The following TOR1AIP2 variants were observed in gnomAD, a reference collection of about 807,000 sequenced individuals.
The protein encoded by TOR1AIP2 is torsin-1A-interacting protein 2.
A neutral mutation model predicts 32.6 loss-of-function variants in TOR1AIP2; 20 were observed. The ratio of observed to expected loss-of-function variants is 0.61; its 90% CI spans 0.43 to 0.89. TOR1AIP2 has a LOEUF of 0.89. TOR1AIP2 is among the 40% of genes least tolerant of loss of function. TOR1AIP2 has a pLI of 0.00. For synonymous variants in TOR1AIP2, 214 were observed against 210.8 expected, an observed-to-expected ratio of 1.02 and a Z score of -0.13; for missense variants, 456 against 553.8, an observed-to-expected ratio of 0.82 and a Z score of 1.77.
At chr1:179,854,451 T>C (rs1473106577) in intron 3 of TOR1AIP2, among the ~76,000 whole-genome samples, 1 of 152,234 alleles carries the variant, frequency 6.6e-6, no homozygotes, top group East Asian at 1.9e-4. Flanking sequence ...TTTTTGATTA[T>C]TGTTGGTTTC....
rs1558002361 is a variant in TOR1AIP2 at position 179,840,918 on chromosome 1, AG to A, written c.*5152del. ...ATAATAATAATAATAATAATAATAA[AG>A]AAGTTATAGCACAGTTTATTAGCTA... On this transcript the variant is annotated 3_prime_UTR_variant, in exon 7 of 7. Coordinates refer to ENST00000609928, the MANE Select transcript of TOR1AIP2 (RefSeq NM_001199260.2). 3 of 121,022 alleles carry A rather than the reference AG, an allele frequency of 2.5e-5. No homozygotes were observed. The highest frequency in any genetic ancestry group is 4.5e-5 in the African/African-American group (1 of 22,116). 7.5% of individuals were successfully genotyped at this position (121,022 alleles called of 1,614,324 possible).
At position 179,851,323 on chromosome 1, in the gene TOR1AIP2, A is replaced by G. The variant is rs1301987743; in HGVS notation, c.75T>C (p.Ser25=). 6.3e-7 allele frequency: 1 copy of G among 1,585,894 alleles called. No homozygotes were observed. Among genetic ancestry groups the G allele is most frequent in the Admixed American group, 1.8e-5 (1 of 55,176 alleles). The stretch of plus-strand genomic sequence containing the variant: ...CTATGATTGTGGTCTCCTGCGCCTG[A>G]GAATTTACTGATGGATCATTTTCCA... The part of the protein sequence containing the change: ...KDLENDPSVN[S]QAQETTIIAS... The change falls in exon 5 of 7, where the codon TCT becomes TCC. Residue 25 remains serine, a synonymous_variant. Transcript: ENST00000609928.
intron 5 of TOR1AIP2, among the ~76,000 whole-genome samples, chr1:179,849,561 C>A (rs1558010564): frequency 1.3e-5 from 2 of 152,174 alleles, no homozygotes; most frequent in East Asian, 1.9e-4. Context: ...TTTCTACTCA[C>A]AGTGAACCTG....
intron 5 of TOR1AIP2, among the ~76,000 whole-genome samples, chr1:179,848,932 C>T (rs1320298420): frequency 4.0e-5 from 6 of 151,834 alleles, no homozygotes; most frequent in Non-Finnish European, 8.8e-5. Context: ...AGATCGAGAC[C>T]ATCCTGGCTA....
intron 2 of TOR1AIP2, among the ~76,000 whole-genome samples, chr1:179,866,356 A>G (rs937440257): frequency 1.3e-5 from 2 of 151,968 alleles, no homozygotes; most frequent in Admixed American, 6.6e-5. Context: ...AAAAAAAGTC[A>G]AAAATCAAGA....
At chr1:179,851,861 G>T (rs925551413) in intron 4 of TOR1AIP2, among the ~76,000 whole-genome samples, 2 of 152,160 alleles carry the variant, frequency 1.3e-5, no homozygotes, top group Admixed American at 6.5e-5. Flanking sequence ...CTTAAATCTG[G>T]TAAGTTTCTA....
Position 179,852,819 on chromosome 1 carries a change from A to C in TOR1AIP2, c.-146-8T>G. The C allele has an allele frequency of 7.2e-7, 1 of 1,393,600 alleles. No individual in the cohort carries two copies. Among genetic ancestry groups the C allele is most frequent in the South Asian group, 1.7e-5 (1 of 57,900 alleles). The allele number at this position is 1,393,600 out of a possible 1,614,324, so 86.3% of individuals were successfully genotyped here. On this transcript the variant is annotated splice_region_variant and splice_polypyrimidine_tract_variant and intron_variant, in intron 3 of 6. Transcript: ENST00000609928. The stretch of plus-strand genomic sequence containing the variant: ...AAGGCATATATACAGTGACTAAAAC[A>C]AAATGAAAAAAAATTAAATGACTTT...
Position 179,846,357 on chromosome 1 carries a change from AAAGTGGAGCCGGCAGGGAAGGATTCG to A in TOR1AIP2, c.1101_1126del (p.Glu368AspfsTer4). The stretch of plus-strand genomic sequence containing the variant: ...ATGATCACAATACTTATAGAAGATC[AAAGTGGAGCCGGCAGGGAAGGATTCG>A]AAGTGGTGTACCACAGCAGCCTTCT... On this transcript the variant is annotated frameshift_variant, in exon 7 of 7. Coordinates refer to ENST00000609928, the MANE Select transcript of TOR1AIP2 (RefSeq NM_001199260.2). LOFTEE classifies it high-confidence loss of function. 6.2e-7 allele frequency: 1 copy of A among 1,614,242 alleles called. No homozygotes were observed.
rs1033264848 is a variant in TOR1AIP2 at position 179,857,462 on chromosome 1, AGGGACACAGATTTGCCTCAACTGCTT to A, written c.-146-4677_-146-4652del. On this transcript the variant is annotated intron_variant, in intron 3 of 6. Transcript: ENST00000609928. ...TTCTATTTCCTGGGACTTTTCTAAGAGGGACACAGATTTGCCTCAACTGCTTGGGACACAGATTTGCCTCAACTGCT... is the reference window on the plus strand; with the variant it reads ...TTCTATTTCCTGGGACTTTTCTAAGAGGGACACAGATTTGCCTCAACTGCT... Among the ~76,000 whole-genome samples, 917 of 152,262 alleles carry A rather than the reference AGGGACACAGATTTGCCTCAACTGCTT, an allele frequency of 6.0e-3. 7 individuals carry two copies. Among genetic ancestry groups the A allele is most frequent in the South Asian group, 0.022 (105 of 4,826 alleles).
chr1:179,863,601 G>C, intron 3 of TOR1AIP2: 1 of 983,544 alleles, frequency 1.0e-6, no homozygotes, highest in South Asian at 4.7e-5. Context: ...GACCGAGGTG[G>C]GAGGATGGCT....
chr1:179,848,947 G>A (rs10436866), intron 5 of TOR1AIP2, among the ~76,000 whole-genome samples: 3,247 of 151,976 alleles, frequency 0.021, 133 homozygotes, highest in African/African-American at 0.074. Flanking sequence ...TGGCTAATAC[G>A]GTGAAATCCC....
intron 3 of TOR1AIP2, among the ~76,000 whole-genome samples, chr1:179,856,010 C>G (rs929259297): frequency 6.6e-6 from 1 of 151,884 alleles, no homozygotes; most frequent in East Asian, 1.9e-4. Context: ...GAAACCTCAT[C>G]TCTACAAAAA....
chr1:179,876,681 C>A (rs191026300), intron 2 of TOR1AIP2, among the ~76,000 whole-genome samples: 216 of 151,698 alleles, frequency 1.4e-3, no homozygotes, highest in Middle Eastern at 0.014. Flanking sequence ...ACTGCCACAG[C>A]TTAAAACAAA....
At chr1:179,865,308 G>A (rs1413486497) in intron 3 of TOR1AIP2, 128 bp downstream of exon 3, 3 of 1,229,590 alleles carry the variant, frequency 2.4e-6, no homozygotes, top group Non-Finnish European at 3.4e-6. Flanking sequence ...ATTATTTGGA[G>A]AGCCAAATAA....
chr1:179,864,085 T>G, intron 3 of TOR1AIP2: 1 of 985,474 alleles, frequency 1.0e-6, no homozygotes, highest in Non-Finnish European at 1.2e-6. Flanking sequence ...CTTTTGTTTA[T>G]GTAAAGCCAC....
At chr1:179,866,226 A>T (rs1294566692) in intron 2 of TOR1AIP2, among the ~76,000 whole-genome samples, 1 of 152,018 alleles carries the variant, frequency 6.6e-6, no homozygotes, top group East Asian at 1.9e-4. Context: ...AACATTAATG[A>T]TGACAGCCTT....
At chr1:179,870,221 AC>A (rs1224513403) in intron 2 of TOR1AIP2, among the ~76,000 whole-genome samples, 3 of 152,236 alleles carry the variant, frequency 2.0e-5, no homozygotes, top group East Asian at 3.9e-4. Context: ...ACATGGTGAA[AC>A]CCTGTCTCTA....
chr1:179,877,080 A>T (rs1018330321), intron 2 of TOR1AIP2, among the ~76,000 whole-genome samples, 159 bp downstream of exon 2: 7 of 152,028 alleles, frequency 4.6e-5, no homozygotes. Flanking sequence ...CGCCGCCTAC[A>T]CTAGTAGGCA....
chr1:179,847,786 C>T, intron 5 of TOR1AIP2, 150 bp from the exon 6 acceptor site: 1 of 607,560 alleles, frequency 1.6e-6, no homozygotes, highest in Non-Finnish European at 2.9e-6. Context: ...GTAATCCCAG[C>T]ACTTTGGGAG....
Sources: allele counts gnomAD v4.1 joint callset (sites outside exome capture counted in the v4.1 genomes callset), GRCh38; gene constraint gnomAD v4.1.1; transcripts MANE v1.5; gene names NCBI Gene and HGNC (gene_info 2026-07-23, HGNC 2026-07-21).